The following AGMO variants were observed in gnomAD, a reference collection of about 807,000 sequenced individuals.
AGMO encodes glyceryl-ether monooxygenase.
AGMO carries 75 observed loss-of-function variants against 60.2 expected under a neutral mutation model. That is an observed-to-expected ratio of 1.25 (90% confidence interval 1.03 to 1.51). The LOEUF is 1.51. Ranked by LOEUF, AGMO falls within the 40% of genes most tolerant of loss-of-function variation. AGMO has a pLI of 0.00. For missense variants in AGMO, 763 were observed against 525.5 expected (o/e 1.45, Z -4.42); for synonymous variants, 261 against 177.1 (o/e 1.47, Z -3.76).
In AGMO at chr7:15,316,749, A is replaced by C. The variant is rs1394660769; in HGVS notation, c.1263+48765T>G. Among the ~76,000 whole-genome samples, 3 of 152,218 alleles carry C rather than the reference A, an allele frequency of 2.0e-5. No homozygotes were observed. The East Asian group carries it at 5.8e-4, about 29-fold the overall frequency. On this transcript the variant is annotated intron_variant, in intron 12 of 12. Coordinates refer to ENST00000342526, the MANE Select transcript of AGMO (RefSeq NM_001004320.2). ...TTCCCCTCTCACTGTTTAGCGAAAA[A>C]TCCAAGAAAAAGAAGTTACAAAGTA...
the AGMO span, among the ~76,000 whole-genome samples, chr7:15,148,161 C>G: frequency 6.6e-6 from 1 of 151,788 alleles, no homozygotes; most frequent in Admixed American, 6.6e-5. Context: ...TTTGGACCTT[C>G]TTGGTGGAAT....
At chr7:15,428,724 A>C (rs1342923271) in intron 4 of AGMO, among the ~76,000 whole-genome samples, 1 of 152,004 alleles carries the variant, frequency 6.6e-6, no homozygotes, top group Non-Finnish European at 1.5e-5. Flanking sequence ...TGCTCTGATA[A>C]TTTTTCCCTT....
intron 12 of AGMO, among the ~76,000 whole-genome samples, chr7:15,346,735 A>T (rs546152048): frequency 3.9e-5 from 6 of 151,952 alleles, no homozygotes; most frequent in African/African-American, 1.4e-4. Flanking sequence ...ACTTGACCCT[A>T]AGTAATATAT....
At chr7:15,279,910 A>G (rs772206892) in intron 12 of AGMO, among the ~76,000 whole-genome samples, 8 of 152,214 alleles carry the variant, frequency 5.3e-5, no homozygotes, top group Non-Finnish European at 8.8e-5. Context: ...TGCATTTTCA[A>G]TCTCCAGCAT....
intron 12 of AGMO, among the ~76,000 whole-genome samples, chr7:15,214,168 TAAA>T (rs1781671056): frequency 6.6e-6 from 1 of 151,972 alleles, no homozygotes; most frequent in South Asian, 2.1e-4. Flanking sequence ...GAAAAATCTG[TAAA>T]AACAAATCCA....
At chr7:15,325,092 G>T (rs1309120653) in intron 12 of AGMO, among the ~76,000 whole-genome samples, 1 of 151,970 alleles carries the variant, frequency 6.6e-6, no homozygotes, top group African/African-American at 2.4e-5. Flanking sequence ...GTTTCTTATT[G>T]GTAAGTAACA....
At chr7:15,290,219 G>C (rs1385425792) in intron 12 of AGMO, among the ~76,000 whole-genome samples, 2 of 151,790 alleles carry the variant, frequency 1.3e-5, no homozygotes, top group African/African-American at 2.4e-5. Context: ...AGTACAGATG[G>C]GGTTTCACCA....
At chr7:15,361,176 T>A (rs1023956099) in intron 12 of AGMO, among the ~76,000 whole-genome samples, 2 of 151,970 alleles carry the variant, frequency 1.3e-5, no homozygotes, top group Non-Finnish European at 2.9e-5. Flanking sequence ...CACAATGGTG[T>A]CTTTGACTGA....
intron 12 of AGMO, among the ~76,000 whole-genome samples, chr7:15,236,444 G>A (rs1357524871): frequency 6.6e-6 from 1 of 152,080 alleles, no homozygotes; most frequent in Non-Finnish European, 1.5e-5. Context: ...AAGTAGTTTT[G>A]CTAGGTAAGT....
At chr7:15,213,039 G>C (rs980484806) in intron 12 of AGMO, among the ~76,000 whole-genome samples, 2 of 151,876 alleles carry the variant, frequency 1.3e-5, no homozygotes, top group Middle Eastern at 3.2e-3. Context: ...ATGTATCATC[G>C]AAGTTCTTCC....
intron 4 of AGMO, among the ~76,000 whole-genome samples, chr7:15,419,489 A>T (rs1780868638): frequency 6.6e-6 from 1 of 152,010 alleles, no homozygotes; most frequent in Non-Finnish European, 1.5e-5. Flanking sequence ...CTTCTGAAAG[A>T]CTGGATGTTT....
intron 12 of AGMO, among the ~76,000 whole-genome samples, chr7:15,280,958 T>C (rs958227724): frequency 6.6e-6 from 1 of 152,184 alleles, no homozygotes; most frequent in African/African-American, 2.4e-5. Context: ...ACTGGATTTC[T>C]TGTAGACATT....
chr7:15,276,349 A>T (rs1300179334), intron 12 of AGMO, among the ~76,000 whole-genome samples: 5 of 152,076 alleles, frequency 3.3e-5, no homozygotes, highest in Non-Finnish European at 5.9e-5. Flanking sequence ...TAAAGAGGCC[A>T]AAAATAGGCT....
At position 15,342,801 on chromosome 7, in the gene AGMO, A is replaced by AAAAAAAAAC. The variant is rs778682811; in HGVS notation, c.1263+22712_1263+22713insGTTTTTTTT. 7.5e-4 allele frequency among the ~76,000 whole-genome samples: 81 copies of AAAAAAAAAC among 107,936 alleles called. 8 individuals carry two copies. Among genetic ancestry groups the AAAAAAAAAC allele is most frequent in the African/African-American group, 3.1e-3 (75 of 23,846 alleles). 70.8% of individuals were successfully genotyped at this position (107,936 alleles called of 152,430 possible). On this transcript the variant is annotated intron_variant, in intron 12 of 12. Coordinates refer to ENST00000342526, the MANE Select transcript of AGMO (RefSeq NM_001004320.2). ...CTGCAAAAAAAAAAAAAAAAAAAAA[A>AAAAAAAAAC]AAAATTGATCTGAATTCTACCTCTA... is the stretch of plus-strand genomic sequence containing the variant.
At chr7:15,266,820 G>A (rs1428532083) in intron 12 of AGMO, among the ~76,000 whole-genome samples, 1 of 151,446 alleles carries the variant, frequency 6.6e-6, no homozygotes, top group Non-Finnish European at 1.5e-5. Context: ...GAATCTGACT[G>A]GTGCAACAAA....
chr7:15,397,066 C>G (rs1188094067), intron 5 of AGMO, among the ~76,000 whole-genome samples: 2 of 152,098 alleles, frequency 1.3e-5, no homozygotes, highest in African/African-American at 4.8e-5. Context: ...TCCCAGAAGC[C>G]CAGTTGGCTT....
chr7:15,377,100 A>C (rs544367825), intron 10 of AGMO, among the ~76,000 whole-genome samples: 1 of 152,076 alleles, frequency 6.6e-6, no homozygotes, highest in Non-Finnish European at 1.5e-5. Context: ...GGCTACAGTG[A>C]ATCTGGAAAA....
chr7:15,156,877 A>G, the AGMO span, among the ~76,000 whole-genome samples: 1 of 151,934 alleles, frequency 6.6e-6, no homozygotes, highest in Non-Finnish European at 1.5e-5. Context: ...CACCTTACAA[A>G]TATTTTCTTT....
intron 12 of AGMO, among the ~76,000 whole-genome samples, chr7:15,287,122 G>A (rs374713373): frequency 7.2e-5 from 11 of 152,036 alleles, no homozygotes; most frequent in Non-Finnish European, 1.0e-4. Context: ...TACTGGGTAC[G>A]ATACACACTA....
Sources: gnomAD v4.1 joint callset for allele counts (sites outside exome capture counted in the v4.1 genomes callset) on GRCh38, gnomAD v4.1.1 for gene constraint, MANE v1.5 for transcripts, NCBI Gene and HGNC (gene_info 2026-07-23, HGNC 2026-07-21) for gene names.